Variants in SDC2 observed in about 807,000 individuals in gnomAD.
The protein encoded by SDC2 is syndecan-2.
Under a neutral mutation model 22.2 loss-of-function variants are expected in SDC2, and 13 were observed. The observed-to-expected ratio is 0.59, with a 90% CI of 0.38 to 0.93. The LOEUF is 0.93. Among genes scored for constraint, SDC2 ranks in the 40% least tolerant of loss-of-function variants. The probability of loss-of-function intolerance (pLI) is 0.00; values close to 1 mark genes in which losing one functional copy is unlikely to be tolerated. For synonymous variants in SDC2, 94 were observed against 92.8 expected (o/e 1.01, Z -0.07); for missense variants, 235 against 246.8 (o/e 0.95, Z 0.32).
chr8:96,533,571 CAG>C (rs1288306458), intron 1 of SDC2, among the ~76,000 whole-genome samples: 3 of 151,864 alleles, frequency 2.0e-5, no homozygotes, highest in Admixed American at 6.6e-5. Flanking sequence ...TAGCTAGACA[CAG>C]AGTGCTGATT....
intron 1 of SDC2, among the ~76,000 whole-genome samples, chr8:96,498,469 T>C (rs2130415153): frequency 7.0e-6 from 1 of 143,164 alleles, no homozygotes; most frequent in Non-Finnish European, 1.6e-5. Flanking sequence ...GCAGCGCTAA[T>C]CTTTTTTTTT....
intron 1 of SDC2, among the ~76,000 whole-genome samples, chr8:96,508,441 A>G (rs1397105083): frequency 6.6e-6 from 1 of 151,818 alleles, no homozygotes; most frequent in Non-Finnish European, 1.5e-5. Flanking sequence ...CGCAGTGAGC[A>G]GAGATTGAGC....
At chr8:96,539,691 G>T (rs72680152) in intron 1 of SDC2, among the ~76,000 whole-genome samples, 42,852 of 152,100 alleles carry the variant, frequency 0.28, 7,770 homozygotes, top group Non-Finnish European at 0.41. Context: ...AAAGCAATAT[G>T]ACGTGAATTT....
chr8:96,501,399 C>T (rs1052012862), intron 1 of SDC2, among the ~76,000 whole-genome samples: 15 of 149,268 alleles, frequency 1.0e-4, no homozygotes, highest in Admixed American at 3.3e-4. Flanking sequence ...CTCCTCCCCC[C>T]GTTCAAGTGA....
intron 1 of SDC2, among the ~76,000 whole-genome samples, chr8:96,522,556 C>G (rs573571760): frequency 6.6e-6 from 1 of 152,166 alleles, no homozygotes. Context: ...TTCACCCTAT[C>G]GAGAAACACT....
chr8:96,510,832 C>G (rs1038422127), intron 1 of SDC2, among the ~76,000 whole-genome samples: 2 of 152,094 alleles, frequency 1.3e-5, no homozygotes, highest in African/African-American at 4.8e-5. Flanking sequence ...ATTAAGCATG[C>G]ACAGAGAAAA....
intron 1 of SDC2, among the ~76,000 whole-genome samples, chr8:96,557,883 A>G (rs180885964): frequency 1.4e-4 from 21 of 152,290 alleles, no homozygotes; most frequent in Admixed American, 1.4e-3. Context: ...AAGATCCTAT[A>G]ACTCTATGCT....
chr8:96,538,563 CAG>C (rs1813793467), intron 1 of SDC2: 1 of 152,132 alleles, frequency 6.6e-6, no homozygotes, highest in Admixed American at 6.5e-5. Flanking sequence ...TGTTAAAAAA[CAG>C]AGTTATCTGC....
At chr8:96,515,670 T>A (rs1239370415) in intron 1 of SDC2, among the ~76,000 whole-genome samples, 1 of 152,174 alleles carries the variant, frequency 6.6e-6, no homozygotes, top group Admixed American at 6.5e-5. Flanking sequence ...TAGAGTCTTG[T>A]CCTGGAATCT....
At chr8:96,571,001 G>A (rs535856524) in intron 1 of SDC2, among the ~76,000 whole-genome samples, 32 of 152,218 alleles carry the variant, frequency 2.1e-4, no homozygotes, top group African/African-American at 7.2e-4. Context: ...GTTGCACAAC[G>A]GTGTGACGAT....
At chr8:96,535,209 A>T (rs911493562) in intron 1 of SDC2, among the ~76,000 whole-genome samples, 2 of 152,076 alleles carry the variant, frequency 1.3e-5, no homozygotes, top group Non-Finnish European at 2.9e-5. Flanking sequence ...GGGTTTCACC[A>T]TGTTGGCCAG....
intron 1 of SDC2, among the ~76,000 whole-genome samples, chr8:96,570,220 C>G (rs528208938): frequency 1.3e-5 from 2 of 152,116 alleles, no homozygotes; most frequent in Non-Finnish European, 2.9e-5. Flanking sequence ...AGGGTTTCAG[C>G]GACTATCCCA....
chr8:96,560,903 C>A (rs192941945), intron 1 of SDC2, among the ~76,000 whole-genome samples: 7 of 152,130 alleles, frequency 4.6e-5, no homozygotes, highest in South Asian at 2.1e-4. Flanking sequence ...GTCAGGAGTT[C>A]GAGACCAGCC....
Position 96,555,703 on chromosome 8 carries a change from C to A in SDC2, c.61-37777C>A, listed in dbSNP as rs868309451. 2.0e-5 allele frequency among the ~76,000 whole-genome samples: 3 copies of A among 152,104 alleles called. No individual in the cohort carries two copies. In the South Asian group the frequency reaches 6.2e-4, roughly 31 times the overall value. ...TTTTGAACATTTTCAGAAAATGGGG[C>A]CACTTCTCAGTTACTCCAGATAAAA... On this transcript the variant is annotated intron_variant, in intron 1 of 4. Coordinates refer to ENST00000302190, the MANE Select transcript of SDC2 (RefSeq NM_002998.4).
chr8:96,599,690 G>C (rs1422274259), intron 2 of SDC2, among the ~76,000 whole-genome samples: 2 of 152,154 alleles, frequency 1.3e-5, no homozygotes, highest in Non-Finnish European at 2.9e-5. Context: ...ACTTGCCTAA[G>C]AGTACAGAGC....
At chr8:96,564,328 AC>A (rs1476511554) in intron 1 of SDC2, among the ~76,000 whole-genome samples, 1 of 152,228 alleles carries the variant, frequency 6.6e-6, no homozygotes, top group African/African-American at 2.4e-5. Context: ...TATTAAAGGC[AC>A]TTGATTTGAG....
chr8:96,577,546 AT>A (rs1465217721), intron 1 of SDC2, among the ~76,000 whole-genome samples: 3 of 151,960 alleles, frequency 2.0e-5, no homozygotes, highest in African/African-American at 7.3e-5. Flanking sequence ...AGTGTGGCAC[AT>A]TTATTGGGAT....
intron 1 of SDC2, among the ~76,000 whole-genome samples, chr8:96,541,930 GAAACAAAGGCCCTC>G (rs1813856875): frequency 6.6e-6 from 1 of 152,138 alleles, no homozygotes; most frequent in Non-Finnish European, 1.5e-5. Flanking sequence ...TCCAATGACT[GAAACAAAGGCCCTC>G]AGCCTTGAGG....
At position 96,540,357 on chromosome 8, in the gene SDC2, A is replaced by ATATATAT. The variant is rs1220674689; in HGVS notation, c.60+46026_60+46027insTATATAT. Among the ~76,000 whole-genome samples the ATATATAT allele has an allele frequency of 9.2e-3, 759 of 82,138 alleles. 25 individuals carry two copies. Among genetic ancestry groups the ATATATAT allele is most frequent in the Admixed American group, 0.058 (517 of 8,914 alleles). The allele number at this position is 82,138 out of a possible 152,430, so 53.9% of individuals were successfully genotyped here. A position where few individuals can be genotyped will look rare whatever the true frequency, so the allele number is the denominator to read the frequency against. On this transcript the variant is annotated intron_variant, in intron 1 of 4. Transcript: ENST00000302190. ...ATATATGTGTATATATATATATATA[A>ATATATAT]AAATTAGTCGGGTGTGGCAGTGTTT...
Sources: gnomAD v4.1 joint callset for allele counts (sites outside exome capture counted in the v4.1 genomes callset) on GRCh38, gnomAD v4.1.1 for gene constraint, MANE v1.5 for transcripts, NCBI Gene and HGNC (gene_info 2026-07-23, HGNC 2026-07-21) for gene names.